The following KCNN2 variants were observed in gnomAD, a reference collection of about 807,000 sequenced individuals.
KCNN2 encodes small conductance calcium-activated potassium channel protein 2.
A neutral mutation model predicts 55.5 loss-of-function variants in KCNN2; 24 were observed. That is an observed-to-expected ratio of 0.43 (90% CI 0.31 to 0.61). The LOEUF (loss-of-function observed/expected upper bound fraction) is 0.61. Ranked by LOEUF, KCNN2 falls within the 20% of genes least tolerant of loss-of-function variation. The pLI is 0.08. For missense variants in KCNN2, 754 were observed against 853.6 expected, an observed-to-expected ratio of 0.88 and a Z score of 1.45; for synonymous variants, 431 against 336.1, an observed-to-expected ratio of 1.28 and a Z score of -3.09.
chr5:114,373,286 C>G (rs977105689), intron 2 of KCNN2, among the ~76,000 whole-genome samples: 2 of 151,802 alleles, frequency 1.3e-5, no homozygotes, highest in African/African-American at 4.8e-5. Flanking sequence ...AAAAAGGCTT[C>G]TAAAAGGGTA....
intron 1 of KCNN2, among the ~76,000 whole-genome samples, chr5:114,168,503 G>A (rs893000250): frequency 2.0e-5 from 3 of 152,016 alleles, no homozygotes; most frequent in African/African-American, 7.2e-5. Flanking sequence ...ATGAAGAATA[G>A]GCATTAGTTA....
chr5:114,157,160 C>T (rs1428346269), intron 1 of KCNN2, among the ~76,000 whole-genome samples: 1 of 132,690 alleles, frequency 7.5e-6, no homozygotes, highest in Non-Finnish European at 1.6e-5. Flanking sequence ...CCCCCCTCCC[C>T]CTACCCTACA....
chr5:114,242,049 C>T (rs373862629), intron 2 of KCNN2, among the ~76,000 whole-genome samples: 5 of 151,182 alleles, frequency 3.3e-5, no homozygotes, highest in Admixed American at 3.3e-4. Flanking sequence ...AGTTCCCACA[C>T]GGTGAAATGG....
chr5:114,225,837 C>G (rs1423542359), intron 2 of KCNN2, among the ~76,000 whole-genome samples: 1 of 152,134 alleles, frequency 6.6e-6, no homozygotes, highest in African/African-American at 2.4e-5. Context: ...TAAGACTTAA[C>G]AAACATGCCA....
chr5:114,314,975 C>G (rs1756471417), intron 2 of KCNN2, among the ~76,000 whole-genome samples: 1 of 152,090 alleles, frequency 6.6e-6, no homozygotes, highest in African/African-American at 2.4e-5. Context: ...CTAACAAGAA[C>G]ACAGAGGTTT....
intron 3 of KCNN2, among the ~76,000 whole-genome samples, chr5:114,413,207 A>G (rs1759188914): frequency 6.6e-6 from 1 of 152,208 alleles, no homozygotes; most frequent in African/African-American, 2.4e-5. Flanking sequence ...TATGGAAAGA[A>G]AAACCAGTAC....
chr5:114,305,448 G>A (rs11958855), intron 2 of KCNN2, among the ~76,000 whole-genome samples: 33,173 of 152,066 alleles, frequency 0.22, 3,685 homozygotes, highest in Admixed American at 0.25. Flanking sequence ...CTGTGTTGGG[G>A]TACCAAGAGA....
At chr5:114,256,453 A>C (rs951205392) in intron 2 of KCNN2, among the ~76,000 whole-genome samples, 1 of 152,214 alleles carries the variant, frequency 6.6e-6, no homozygotes, top group Non-Finnish European at 1.5e-5. Flanking sequence ...AGAAATCTCC[A>C]TACTGTTGTC....
intron 1 of KCNN2, among the ~76,000 whole-genome samples, chr5:114,116,193 C>T (rs1030917826): frequency 6.6e-6 from 1 of 151,672 alleles, no homozygotes; most frequent in African/African-American, 2.4e-5. Context: ...AGAGAGAGAG[C>T]GAGGGAGAGG....
chr5:114,202,093 G>C, intron 1 of KCNN2, among the ~76,000 whole-genome samples: 1 of 152,046 alleles, frequency 6.6e-6, no homozygotes, highest in East Asian at 1.9e-4. Context: ...TCCTGCCTCC[G>C]TGGAGGAATG....
intron 3 of KCNN2, among the ~76,000 whole-genome samples, chr5:114,432,473 G>A (rs980112630): frequency 1.4e-4 from 22 of 151,796 alleles, no homozygotes; most frequent in African/African-American, 3.9e-4. Flanking sequence ...TATTATTAAA[G>A]TGGGTTTCTT....
intron 3 of KCNN2, among the ~76,000 whole-genome samples, chr5:114,424,053 C>T (rs909940341): frequency 1.3e-5 from 2 of 152,092 alleles, no homozygotes; most frequent in Non-Finnish European, 2.9e-5. Flanking sequence ...GGATTTTAGT[C>T]CATAGGTATG....
chr5:114,396,570 A>G (rs1758626252), intron 2 of KCNN2, among the ~76,000 whole-genome samples: 1 of 143,600 alleles, frequency 7.0e-6, no homozygotes, highest in African/African-American at 2.6e-5. Context: ...TTTTTTTGAG[A>G]TGGAGTCTTG....
intron 2 of KCNN2, among the ~76,000 whole-genome samples, chr5:114,296,728 A>T (rs911840352): frequency 6.6e-6 from 1 of 152,230 alleles, no homozygotes; most frequent in Non-Finnish European, 1.5e-5. Flanking sequence ...TAGAAAGGGC[A>T]TTTAAAAGTT....
chr5:114,363,266 A>G lies in KCNN2; in HGVS notation c.1122+5A>G. On this transcript the variant is annotated splice_donor_5th_base_variant and intron_variant, in intron 1 of 7. Coordinates refer to ENST00000673685, the MANE Select transcript of KCNN2 (RefSeq NM_021614.4). Reference sequence around the variant, plus strand: ...TCGTGGGGCGCCTACGACAAGGTACAGGCTTGAACCCCAGCCCACGCTACC... The same window carrying G: ...TCGTGGGGCGCCTACGACAAGGTACGGGCTTGAACCCCAGCCCACGCTACC... The G allele has an allele frequency of 6.3e-7, 1 of 1,593,114 alleles. No individual in the cohort carries two copies. Among genetic ancestry groups the G allele is most frequent in the Non-Finnish European group, 8.6e-7 (1 of 1,169,442 alleles).
At chr5:114,101,083 A>G (rs1466056997) in intron 1 of KCNN2, among the ~76,000 whole-genome samples, 2 of 151,948 alleles carry the variant, frequency 1.3e-5, no homozygotes, top group Non-Finnish European at 1.5e-5. Flanking sequence ...TTATGGTTGG[A>G]TATTAAAGCT....
rs574493113 is a variant in KCNN2 at position 114,261,851 on chromosome 5, G to A, written c.-185+40286G>A. 5.3e-5 allele frequency among the ~76,000 whole-genome samples: 8 copies of A among 152,288 alleles called. No individual in the cohort carries two copies. In the South Asian group the frequency reaches 1.7e-3, roughly 32 times the overall value. ...TTTCAGTGAGGACCCACTGGGCAGG[G>A]CAGTTACCAATCAAGAGAGAGCCCA... On this transcript the variant is annotated intron_variant, in intron 2 of 10. Transcript: ENST00000512097.
chr5:114,163,345 G>C (rs191744114), intron 1 of KCNN2, among the ~76,000 whole-genome samples: 2 of 152,140 alleles, frequency 1.3e-5, no homozygotes, highest in Admixed American at 6.5e-5. Flanking sequence ...GGAGTGGTGA[G>C]AAAGGGCATC....
chr5:114,492,818 A>T (rs1355882127), intron 6 of KCNN2, among the ~76,000 whole-genome samples: 1 of 152,154 alleles, frequency 6.6e-6, no homozygotes, highest in East Asian at 1.9e-4. Flanking sequence ...TAAAAGTTAA[A>T]TGAAATACAA....
Sources: allele counts gnomAD v4.1 joint callset (sites outside exome capture counted in the v4.1 genomes callset), GRCh38; gene constraint gnomAD v4.1.1; transcripts MANE v1.5; gene names NCBI Gene and HGNC (gene_info 2026-07-23, HGNC 2026-07-21).